The following LRCH1 variants were observed in gnomAD, a reference collection of about 807,000 sequenced individuals.
The protein encoded by LRCH1 is leucine rich repeats and calponin homology domain containing 1, also known as leucine-rich repeat and calponin homology domain-containing protein 1.
Under a neutral mutation model 94.9 loss-of-function variants are expected in LRCH1, and 23 were observed. The ratio of observed to expected loss-of-function variants is 0.24; its 90% CI spans 0.17 to 0.34. LRCH1 has a LOEUF of 0.34. LRCH1 is among the 10% of genes least tolerant of loss of function. The probability of loss-of-function intolerance (pLI) is 1.00; values close to 1 mark genes in which losing one functional copy is unlikely to be tolerated. For synonymous variants in LRCH1, 364 were observed against 354.9 expected (o/e 1.03, Z -0.29); for missense variants, 790 against 945.9 (o/e 0.84, Z 2.16).
intron 19 of LRCH1, among the ~76,000 whole-genome samples, chr13:46,738,164 C>T (rs1194626914): frequency 6.6e-6 from 1 of 152,202 alleles, no homozygotes; most frequent in East Asian, 1.9e-4. Context: ...ACTCAGCTGA[C>T]AGTGGTAGCC....
At chr13:46,576,364 C>T (rs900297704) in intron 1 of LRCH1, among the ~76,000 whole-genome samples, 2 of 152,100 alleles carry the variant, frequency 1.3e-5, no homozygotes, top group Admixed American at 6.5e-5. Context: ...TGTTAGAATT[C>T]CCAAGTGAAA....
chr13:46,577,536 TC>T (rs2050317608), intron 1 of LRCH1, among the ~76,000 whole-genome samples: 2 of 152,206 alleles, frequency 1.3e-5, no homozygotes, highest in African/African-American at 4.8e-5. Context: ...TATTCACAGG[TC>T]CTACCTATAC....
chr13:46,673,406 A>T (rs1233687441), intron 3 of LRCH1, among the ~76,000 whole-genome samples: 1 of 152,214 alleles, frequency 6.6e-6, no homozygotes, highest in African/African-American at 2.4e-5. Flanking sequence ...TAAAAAAAAG[A>T]TTATTTTCCA....
intron 1 of LRCH1, among the ~76,000 whole-genome samples, chr13:46,639,548 G>T (rs2051133799): frequency 6.6e-6 from 1 of 152,168 alleles, no homozygotes; most frequent in South Asian, 2.1e-4. Context: ...TTAGTGAAAG[G>T]CCATTTGAGC....
intron 1 of LRCH1, among the ~76,000 whole-genome samples, chr13:46,598,097 A>G (rs1210823764): frequency 1.3e-5 from 2 of 152,164 alleles, no homozygotes; most frequent in African/African-American, 2.4e-5. Flanking sequence ...CCTGGCCAAC[A>G]TGATGAAACC....
At chr13:46,689,071 G>A (rs1870763899) in intron 6 of LRCH1, 62 bp from the exon 7 acceptor site, 4 of 1,272,054 alleles carry the variant, frequency 3.1e-6, no homozygotes. Flanking sequence ...ATGTTTCTTG[G>A]TGTGAACTTT....
chr13:46,671,643 C>G (rs953847727), intron 3 of LRCH1, among the ~76,000 whole-genome samples: 2 of 152,224 alleles, frequency 1.3e-5, no homozygotes, highest in African/African-American at 2.4e-5. Flanking sequence ...CGGTCATATG[C>G]TGCTGCTTTT....
intron 1 of LRCH1, among the ~76,000 whole-genome samples, chr13:46,580,337 A>G (rs894500763): frequency 6.6e-6 from 1 of 152,180 alleles, no homozygotes; most frequent in Non-Finnish European, 1.5e-5. Flanking sequence ...CCCTTCTGTC[A>G]TTACTTCCTT....
chr13:46,623,324 G>A (rs2050902529), intron 1 of LRCH1, among the ~76,000 whole-genome samples: 1 of 152,020 alleles, frequency 6.6e-6, no homozygotes, highest in South Asian at 2.1e-4. Context: ...GCATAGAGAT[G>A]GTAATGGTGG....
intron 1 of LRCH1, among the ~76,000 whole-genome samples, chr13:46,580,371 G>A (rs1255383291): frequency 6.6e-6 from 1 of 152,160 alleles, no homozygotes; most frequent in Non-Finnish European, 1.5e-5. Flanking sequence ...GTGTGATAAT[G>A]AGGGAATGAA....
At chr13:46,642,913 G>T (rs1390858431) in intron 1 of LRCH1, among the ~76,000 whole-genome samples, 1 of 148,816 alleles carries the variant, frequency 6.7e-6, no homozygotes, top group Non-Finnish European at 1.5e-5. Flanking sequence ...GCTTTAGGAT[G>T]TTAAAAAAAA....
chr13:46,733,590 T>C (rs1283994871), intron 18 of LRCH1, among the ~76,000 whole-genome samples: 5 of 152,154 alleles, frequency 3.3e-5, no homozygotes, highest in African/African-American at 1.2e-4. Context: ...TATATACATA[T>C]GTATGCAGAA....
intron 16 of LRCH1, among the ~76,000 whole-genome samples, chr13:46,718,228 A>G (rs571859211): frequency 2.0e-5 from 3 of 152,356 alleles, no homozygotes; most frequent in South Asian, 4.1e-4. Context: ...TCTTTAAGTT[A>G]TCACCAGAGA....
chr13:46,692,989 A>G (rs10161961), intron 8 of LRCH1, among the ~76,000 whole-genome samples: 9,015 of 137,452 alleles, frequency 0.066, 976 homozygotes, highest in African/African-American at 0.23. Flanking sequence ...TTTTTTTGAC[A>G]TGGAGTCTCG....
intron 1 of LRCH1, among the ~76,000 whole-genome samples, chr13:46,558,572 C>CAAAAAAAAAAAAAA (rs575874794): frequency 0.014 from 477 of 34,378 alleles, 100 homozygotes; most frequent in African/African-American, 0.039. Flanking sequence ...CCTGTGTCTA[C>CAAAAAAAAAAAAAA]AAAAAAAAAA....
intron 1 of LRCH1, among the ~76,000 whole-genome samples, chr13:46,609,800 G>T (rs2050727346): frequency 6.6e-6 from 1 of 152,196 alleles, no homozygotes. Flanking sequence ...GCACGTCCAT[G>T]AAAGAGAGGT....
chr13:46,741,228 G>A (rs1566261239), intron 19 of LRCH1, among the ~76,000 whole-genome samples: 2 of 152,174 alleles, frequency 1.3e-5, no homozygotes, highest in Non-Finnish European at 2.9e-5. Flanking sequence ...AGAATGGAGA[G>A]TGGGGGTAGG....
chr13:46,671,846 G>A (rs181991967), intron 3 of LRCH1, among the ~76,000 whole-genome samples: 19 of 152,280 alleles, frequency 1.2e-4, no homozygotes, highest in African/African-American at 4.6e-4. Context: ...TCCCACACAT[G>A]CACAATCTCT....
At position 46,744,699 on chromosome 13, in the gene LRCH1, G is replaced by A. The variant is rs1385949080; in HGVS notation, c.*2851G>A. On this transcript the variant is annotated 3_prime_UTR_variant, in exon 20 of 20. Coordinates refer to ENST00000389797, the MANE Select transcript of LRCH1 (RefSeq NM_001164211.2). ...AAAACTCATGTAGATGCCTGATTGAGTCATAAGGACAAAAGGGTGTTTTGC... is the reference window on the plus strand; with the variant it reads ...AAAACTCATGTAGATGCCTGATTGAATCATAAGGACAAAAGGGTGTTTTGC... 1.0e-6 allele frequency: 1 copy of A among 985,412 alleles called. No homozygotes were observed. Among genetic ancestry groups the A allele is most frequent in the Non-Finnish European group, 1.2e-6 (1 of 829,936 alleles). The allele number at this position is 985,412 out of a possible 1,614,324, so 61.0% of individuals were successfully genotyped here.
Sources: gnomAD v4.1 joint callset for allele counts (sites outside exome capture counted in the v4.1 genomes callset) on GRCh38, gnomAD v4.1.1 for gene constraint, MANE v1.5 for transcripts, NCBI Gene and HGNC (gene_info 2026-07-23, HGNC 2026-07-21) for gene names.